The following RAD51B variants were observed in gnomAD, a reference collection of about 807,000 sequenced individuals.
The protein encoded by RAD51B is RAD51 paralog B.
Under a neutral mutation model 42.2 loss-of-function variants are expected in RAD51B, and 38 were observed. That is an observed-to-expected ratio of 0.90 (90% CI 0.70 to 1.18). RAD51B has a LOEUF of 1.18. RAD51B is among the 50% of genes most tolerant of loss of function. RAD51B has a pLI of 0.00. For synonymous variants in RAD51B, 154 were observed against 145.2 expected (o/e 1.06, Z -0.43); for missense variants, 373 against 400.7 (o/e 0.93, Z 0.59).
intron 7 of RAD51B, among the ~76,000 whole-genome samples, chr14:68,154,636 T>G (rs2078461780): frequency 6.6e-6 from 1 of 152,096 alleles, no homozygotes; most frequent in Non-Finnish European, 1.5e-5. Context: ...TCCCTCTTCA[T>G]GCAACACAAC....
Position 68,272,379 on chromosome 14 carries a change from G to C in RAD51B, c.757-19505G>C, listed in dbSNP as rs568171918. 1.1e-4 allele frequency among the ~76,000 whole-genome samples: 17 copies of C among 152,032 alleles called. No individual in the cohort carries two copies. In the South Asian group the frequency reaches 3.5e-3, roughly 32 times the overall value. On this transcript the variant is annotated intron_variant, in intron 7 of 10. Transcript: ENST00000471583. ...CCACACCCACTAAGTGGACGACCCA[G>C]TTATGAATCCTTGCTCCATTCTGCT... is the stretch of plus-strand genomic sequence containing the variant.
intron 10 of RAD51B, among the ~76,000 whole-genome samples, chr14:68,639,535 T>C (rs1892411826): frequency 6.6e-6 from 1 of 152,114 alleles, no homozygotes; most frequent in African/African-American, 2.4e-5. Flanking sequence ...GACTGTGATC[T>C]GAAGGAATAT....
chr14:68,632,416 G>T (rs900991661), intron 10 of RAD51B, among the ~76,000 whole-genome samples: 2 of 152,228 alleles, frequency 1.3e-5, no homozygotes, highest in Non-Finnish European at 2.9e-5. Flanking sequence ...CTGGGACTGT[G>T]ATGTGATGTC....
At chr14:68,295,900 T>G (rs2081605658) in intron 8 of RAD51B, among the ~76,000 whole-genome samples, 1 of 152,066 alleles carries the variant, frequency 6.6e-6, no homozygotes, top group Non-Finnish European at 1.5e-5. Context: ...AATCCCAGTG[T>G]GTGTCTCATA....
At chr14:67,890,774 T>G (rs2043196025) in intron 7 of RAD51B, among the ~76,000 whole-genome samples, 1 of 152,116 alleles carries the variant, frequency 6.6e-6, no homozygotes, top group Non-Finnish European at 1.5e-5. Context: ...TCTTACCATA[T>G]GTATGTCATA....
At chr14:68,014,191 TTTTC>T (rs1172765752) in intron 7 of RAD51B, among the ~76,000 whole-genome samples, 1 of 142,298 alleles carries the variant, frequency 7.0e-6, no homozygotes, top group South Asian at 2.1e-4. Context: ...TCTCCTTTTC[TTTTC>T]TTTCTTTTTT....
intron 7 of RAD51B, among the ~76,000 whole-genome samples, chr14:68,221,994 A>G (rs763917702): frequency 1.3e-5 from 2 of 152,190 alleles, no homozygotes; most frequent in Non-Finnish European, 2.9e-5. Flanking sequence ...ACGTGATACC[A>G]CCTCACTCCT....
At chr14:68,649,251 GT>G (rs527958708) in intron 10 of RAD51B, among the ~76,000 whole-genome samples, 171 of 152,232 alleles carry the variant, frequency 1.1e-3, no homozygotes, top group African/African-American at 3.9e-3. Context: ...AGCTCTTTTT[GT>G]TTCAAGGAAC....
chr14:68,291,869 C>T lies in RAD51B; in HGVS notation c.757-15C>T, dbSNP rs932627563. On this transcript the variant is annotated splice_polypyrimidine_tract_variant and intron_variant, in intron 7 of 10. Coordinates refer to ENST00000471583, the MANE Select transcript of RAD51B (RefSeq NM_133510.4). ...TCTCCCTTGCCCCCTACCCCTTCTC[C>T]CTGTCTGTTCACAGGTTATCTTGAC... The T allele has an allele frequency of 6.2e-7, 1 of 1,601,018 alleles. No homozygotes were observed.
chr14:68,530,922 T>A (rs1887262982), intron 10 of RAD51B, among the ~76,000 whole-genome samples: 1 of 152,098 alleles, frequency 6.6e-6, no homozygotes, highest in African/African-American at 2.4e-5. Context: ...TATGTTGAGA[T>A]AATATGTTAG....
chr14:68,127,658 CACACAG>C (rs2077796200), intron 7 of RAD51B, among the ~76,000 whole-genome samples: 3 of 143,794 alleles, frequency 2.1e-5, no homozygotes, highest in Non-Finnish European at 3.0e-5. Context: ...CACACACATA[CACACAG>C]TAATGCTTTT....
intron 7 of RAD51B, among the ~76,000 whole-genome samples, chr14:68,090,956 G>T (rs2077086798): frequency 6.7e-6 from 1 of 148,814 alleles, no homozygotes; most frequent in South Asian, 2.1e-4. Flanking sequence ...GCGGTGTTTG[G>T]TTTTTTGTCC....
At chr14:68,052,905 T>A (rs772213868) in intron 7 of RAD51B, among the ~76,000 whole-genome samples, 5 of 152,026 alleles carry the variant, frequency 3.3e-5, no homozygotes, top group Non-Finnish European at 5.9e-5. Flanking sequence ...AATGCTGAGA[T>A]TACAAACGTG....
intron 7 of RAD51B, among the ~76,000 whole-genome samples, chr14:68,004,651 G>T (rs1374064486): frequency 6.6e-6 from 1 of 152,104 alleles, no homozygotes; most frequent in Non-Finnish European, 1.5e-5. Flanking sequence ...AAATGTAGCT[G>T]TAGCTCAATG....
At chr14:67,955,567 T>TA (rs144129877) in intron 7 of RAD51B, among the ~76,000 whole-genome samples, 20,341 of 152,242 alleles carry the variant, frequency 0.13, 1,569 homozygotes, top group Middle Eastern at 0.29. Flanking sequence ...ATTACATGCC[T>TA]AATGTGTAAA....
At chr14:67,900,856 A>T (rs944755804) in intron 7 of RAD51B, among the ~76,000 whole-genome samples, 7 of 152,210 alleles carry the variant, frequency 4.6e-5, no homozygotes, top group African/African-American at 1.7e-4. Flanking sequence ...GTTCTGTATG[A>T]TCTTTAGCTT....
chr14:68,371,423 CAGA>C (rs1566839500), intron 8 of RAD51B, among the ~76,000 whole-genome samples: 1 of 151,898 alleles, frequency 6.6e-6, no homozygotes. Context: ...GAGGCTGAGG[CAGA>C]AGAATTGCTT....
chr14:67,822,952 G>T (rs1425096898), intron 1 of RAD51B, among the ~76,000 whole-genome samples: 1 of 152,142 alleles, frequency 6.6e-6, no homozygotes, highest in Non-Finnish European at 1.5e-5. Context: ...CAATGGACTA[G>T]CTAACTTTTC....
intron 10 of RAD51B, among the ~76,000 whole-genome samples, chr14:68,516,094 G>A (rs1452482748): frequency 1.3e-5 from 2 of 152,084 alleles, no homozygotes; most frequent in East Asian, 3.9e-4. Context: ...CCGGAAGCTG[G>A]ACCCATTTCT....
Sources: allele counts gnomAD v4.1 joint callset (sites outside exome capture counted in the v4.1 genomes callset), GRCh38; gene constraint gnomAD v4.1.1; transcripts MANE v1.5; gene names NCBI Gene and HGNC (gene_info 2026-07-23, HGNC 2026-07-21).